CYP19A1: variants seen among roughly 807,000 people sequenced by gnomAD.
CYP19A1 encodes aromatase.
CYP19A1 carries 32 observed loss-of-function variants against 44.4 expected under a neutral mutation model. The observed-to-expected ratio is 0.72, with a 90% CI of 0.54 to 0.97. The LOEUF (loss-of-function observed/expected upper bound fraction) is 0.97. Ranked by LOEUF, CYP19A1 falls within the 50% of genes least tolerant of loss-of-function variation. CYP19A1 has a pLI of 0.00. For missense variants in CYP19A1, 598 were observed against 637.8 expected (o/e 0.94, Z 0.67); for synonymous variants, 212 against 215.6 (o/e 0.98, Z 0.14).
chr15:51,314,246 T>G (rs1434413208), intron 1 of CYP19A1: 1 of 152,142 alleles, frequency 6.6e-6, no homozygotes, highest in Non-Finnish European at 1.5e-5. Context: ...CTAGAAGTAG[T>G]GAAGCAACAC....
At chr15:51,236,375 T>C (rs1350487661) in intron 3 of CYP19A1, among the ~76,000 whole-genome samples, 2 of 152,204 alleles carry the variant, frequency 1.3e-5, no homozygotes, top group Non-Finnish European at 2.9e-5. Flanking sequence ...CTCAGGTTTG[T>C]TTTATTTTTT....
At chr15:51,309,079 A>G (rs947086462) in intron 1 of CYP19A1, among the ~76,000 whole-genome samples, 1 of 152,198 alleles carries the variant, frequency 6.6e-6, no homozygotes, top group African/African-American at 2.4e-5. Flanking sequence ...TTCCCCCAAA[A>G]TTCACATGTT....
chr15:51,337,253 T>C (rs2036791752), intron 1 of CYP19A1, among the ~76,000 whole-genome samples: 1 of 152,148 alleles, frequency 6.6e-6, no homozygotes, highest in South Asian at 2.1e-4. Context: ...AGAAATAGGA[T>C]GTGGAAGAAC....
intron 1 of CYP19A1, among the ~76,000 whole-genome samples, chr15:51,270,389 G>A (rs78884523): frequency 0.022 from 3,351 of 152,154 alleles, 150 homozygotes; most frequent in African/African-American, 0.078. Flanking sequence ...GGGGGATCCC[G>A]GTGCTCTGGT....
chr15:51,210,085 C>T lies in CYP19A1; in HGVS notation c.*723G>A. The T allele has an allele frequency of 3.9e-6, 1 of 258,612 alleles. No individual in the cohort carries two copies. Among genetic ancestry groups the T allele is most frequent in the Non-Finnish European group, 7.6e-6 (1 of 131,406 alleles). The allele number at this position is 258,612 out of a possible 1,614,324, so 16.0% of individuals were successfully genotyped here. On this transcript the variant is annotated 3_prime_UTR_variant, in exon 10 of 10. Coordinates refer to ENST00000396402, the MANE Select transcript of CYP19A1 (RefSeq NM_000103.4). ...GCTATTACTAAATTAGTTTGTATTA[C>T]TTGATGATTATATATAGTTTGTATT... is the stretch of plus-strand genomic sequence containing the variant.
intron 1 of CYP19A1, among the ~76,000 whole-genome samples, chr15:51,250,920 C>T (rs2034282264): frequency 6.6e-6 from 1 of 152,140 alleles, no homozygotes; most frequent in Non-Finnish European, 1.5e-5. Context: ...GGGCTTTTAA[C>T]CTGAGGAAGG....
intron 1 of CYP19A1, among the ~76,000 whole-genome samples, chr15:51,330,199 C>G (rs2036677809): frequency 6.6e-6 from 1 of 152,018 alleles, no homozygotes; most frequent in Non-Finnish European, 1.5e-5. Context: ...TTGTGGAGAG[C>G]CCTGTGTATG....
intron 1 of CYP19A1, among the ~76,000 whole-genome samples, chr15:51,246,333 G>A (rs955011346): frequency 6.6e-6 from 1 of 152,042 alleles, no homozygotes; most frequent in Non-Finnish European, 1.5e-5. Context: ...CAAATGCCTG[G>A]GTCTCCACTG....
At chr15:51,256,661 C>T (rs1232249355) in intron 1 of CYP19A1, among the ~76,000 whole-genome samples, 2 of 152,202 alleles carry the variant, frequency 1.3e-5, no homozygotes, top group Non-Finnish European at 2.9e-5. Context: ...GCCTCACATT[C>T]TATAACCGGG....
intron 1 of CYP19A1, among the ~76,000 whole-genome samples, chr15:51,292,015 C>T (rs1216718271): frequency 6.6e-6 from 1 of 152,194 alleles, no homozygotes; most frequent in South Asian, 2.1e-4. Flanking sequence ...GACCTCTCGT[C>T]AGTCAGTCAC....
intron 1 of CYP19A1, among the ~76,000 whole-genome samples, chr15:51,298,573 A>G (rs1029735170): frequency 3.3e-5 from 5 of 152,212 alleles, no homozygotes; most frequent in African/African-American, 1.2e-4. Context: ...AGCAGACTAG[A>G]TGGTTTCTAA....
intron 1 of CYP19A1, among the ~76,000 whole-genome samples, chr15:51,294,076 G>A (rs1359582446): frequency 3.0e-5 from 4 of 135,440 alleles, no homozygotes; most frequent in African/African-American, 1.0e-4. Context: ...AGTGAGGAGC[G>A]TCTCTGCCCG....
chr15:51,241,029 G>A (rs959622775), intron 2 of CYP19A1, among the ~76,000 whole-genome samples: 1 of 152,148 alleles, frequency 6.6e-6, no homozygotes, highest in African/African-American at 2.4e-5. Flanking sequence ...TTTAAAAATA[G>A]CAACCCCAAA....
At chr15:51,251,002 C>G (rs2034284649) in intron 1 of CYP19A1, among the ~76,000 whole-genome samples, 1 of 152,264 alleles carries the variant, frequency 6.6e-6, no homozygotes, top group Admixed American at 6.5e-5. Context: ...ACCCAGAGAC[C>G]ACATCACAAG....
At chr15:51,275,961 A>T (rs748261500) in intron 1 of CYP19A1, among the ~76,000 whole-genome samples, 5 of 152,170 alleles carry the variant, frequency 3.3e-5, no homozygotes, top group Non-Finnish European at 7.3e-5. Flanking sequence ...GGTTTGAAGG[A>T]AAAGGGCCGT....
chr15:51,230,306 T>C (rs148143324), intron 3 of CYP19A1, among the ~76,000 whole-genome samples: 80 of 152,318 alleles, frequency 5.3e-4, no homozygotes, highest in Non-Finnish European at 1.1e-3. Flanking sequence ...AGTGTTATAC[T>C]GATTATTTGG....
At chr15:51,285,698 T>A (rs959091374) in intron 1 of CYP19A1, among the ~76,000 whole-genome samples, 1 of 152,196 alleles carries the variant, frequency 6.6e-6, no homozygotes, top group African/African-American at 2.4e-5. Context: ...ATGCTAAACT[T>A]TCACAGCTGT....
chr15:51,264,507 A>G (rs2034845964), intron 1 of CYP19A1, among the ~76,000 whole-genome samples: 1 of 97,426 alleles, frequency 1.0e-5, no homozygotes, highest in African/African-American at 6.2e-5. Flanking sequence ...AAGAGTAACG[A>G]CGGTCAAGGG....
chr15:51,264,509 G>A (rs113458639), intron 1 of CYP19A1, among the ~76,000 whole-genome samples: 2 of 151,092 alleles, frequency 1.3e-5, no homozygotes, highest in African/African-American at 2.5e-5. Flanking sequence ...GAGTAACGAC[G>A]GTCAAGGGAC....
Sources: gnomAD v4.1 joint callset for allele counts (sites outside exome capture counted in the v4.1 genomes callset) on GRCh38, gnomAD v4.1.1 for gene constraint, MANE v1.5 for transcripts, NCBI Gene and HGNC (gene_info 2026-07-23, HGNC 2026-07-21) for gene names.